Variants in ANKRD30B observed in about 807,000 individuals in gnomAD.
The protein encoded by ANKRD30B is ankyrin repeat domain 30B.
A neutral mutation model predicts 202.2 loss-of-function variants in ANKRD30B; 144 were observed. That is an observed-to-expected ratio of 0.71 (90% CI 0.62 to 0.82). ANKRD30B has a LOEUF of 0.82. Among genes scored for constraint, ANKRD30B ranks in the 40% least tolerant of loss-of-function variants. ANKRD30B has a pLI of 0.00. For synonymous variants in ANKRD30B, 508 were observed against 561.3 expected, an observed-to-expected ratio of 0.91 and a Z score of 1.34; for missense variants, 1,487 against 1,669.1, an observed-to-expected ratio of 0.89 and a Z score of 1.90.
intron 16 of ANKRD30B, among the ~76,000 whole-genome samples, chr18:14,792,796 T>G (rs1038116216): frequency 6.6e-6 from 1 of 151,956 alleles, no homozygotes; most frequent in African/African-American, 2.4e-5. Context: ...TATACTAGAA[T>G]GTAAGAACCT....
rs993776926 is a variant in ANKRD30B, at chr18:14,769,363, C to T, written c.1246C>T (p.Pro416Ser). Residue 416 changes from proline to serine, a missense_variant, in exon 8 of 44, where the codon CCT becomes TCT. This residue lies in a region of ANKRD30B where 889 missense variants were observed against 841.4 expected (regional missense o/e 1.06). Transcript: ENST00000690538. ...AATAGTGGATGTGAGTTCTGTAGAG[C>T]CTATATTCAGGTAAGACTTTGCGGT... ...STNVDVSSVE[P>S]IFSLFGTRTI... 6.5e-7 allele frequency: 1 copy of T among 1,543,748 alleles called. No homozygotes were observed. Among genetic ancestry groups the T allele is most frequent in the African/African-American group, 1.4e-5 (1 of 72,736 alleles).
At position 14,757,940 on chromosome 18, in the gene ANKRD30B, G is replaced by A. The variant is rs747565735; in HGVS notation, c.743G>A (p.Cys248Tyr). 2.5e-6 allele frequency: 4 copies of A among 1,595,878 alleles called. No individual in the cohort carries two copies. The highest frequency in any genetic ancestry group is 3.4e-6 in the Non-Finnish European group (4 of 1,170,286). Residue 248 changes from cysteine to tyrosine, a missense_variant, in exon 5 of 44, where the codon TGT (cysteine) becomes TAT (tyrosine). Physicochemically the swap from Cys to Tyr is radical, Grantham distance 194 (BLOSUM62 -2). This residue lies in a region of ANKRD30B where 889 missense variants were observed against 841.4 expected (regional missense o/e 1.06). Coordinates refer to ENST00000690538, the MANE Select transcript of ANKRD30B (RefSeq NM_001367607.2). ...GITAERYAAA[C>Y]GVNYIHQQLL... ...ACTGCAGAACGTTATGCTGCTGCTTGTGGAGTTAATTAGTAAGTGTTTACA... is the reference window on the plus strand; with the variant it reads ...ACTGCAGAACGTTATGCTGCTGCTTATGGAGTTAATTAGTAAGTGTTTACA...
chr18:14,836,542 C>T (rs1403628820), intron 34 of ANKRD30B, among the ~76,000 whole-genome samples: 1 of 152,118 alleles, frequency 6.6e-6, no homozygotes, highest in African/African-American at 2.4e-5. Context: ...AGTTTTGCCC[C>T]ATCTCCCCAT....
downstream of ANKRD30B, among the ~76,000 whole-genome samples, chr18:14,854,793 A>G (rs1416926868): frequency 1.3e-5 from 2 of 150,674 alleles, no homozygotes; most frequent in Non-Finnish European, 2.9e-5. Flanking sequence ...CAAGACTCCA[A>G]GTTCCTGTCT....
the ANKRD30B span, among the ~76,000 whole-genome samples, chr18:14,937,774 T>C: frequency 6.6e-6 from 1 of 152,234 alleles, no homozygotes; most frequent in Non-Finnish European, 1.5e-5. Context: ...GCTTCATTCT[T>C]TTGTTACTTT....
At chr18:14,901,030 G>A in the ANKRD30B span, among the ~76,000 whole-genome samples, 4 of 152,236 alleles carry the variant, frequency 2.6e-5, no homozygotes, top group African/African-American at 9.6e-5. Context: ...TTCATAAAAT[G>A]TACATAAAAC....
chr18:14,938,630 A>G, the ANKRD30B span, among the ~76,000 whole-genome samples: 132 of 152,166 alleles, frequency 8.7e-4, 2 homozygotes, highest in Non-Finnish European at 1.5e-4. Flanking sequence ...AACAGACAGG[A>G]CTTGGGGGAT....
chr18:14,901,975 T>TA, the ANKRD30B span, among the ~76,000 whole-genome samples: 30 of 152,140 alleles, frequency 2.0e-4, no homozygotes, highest in Non-Finnish European at 3.8e-4. Context: ...TAATTGGACT[T>TA]ACAGTTCCAC....
rs1456493247 is a variant in ANKRD30B, at chr18:14,837,628, A to T, written c.2940A>T (p.Thr980=). 4 of 1,534,594 alleles carry T rather than the reference A, an allele frequency of 2.6e-6. No homozygotes were observed. The South Asian group carries it at 4.9e-5, about 19-fold the overall frequency. ...AACATTTTGTAGATAAGATGCCCAC[A>T]TCAGAATTAGGAAGAAAAGAAGATA... ...APQDQTNKMP[T]SELGRKEDTK... Residue 980 remains threonine, a synonymous_variant, in exon 36 of 44, where the codon ACA becomes ACT. Transcript: ENST00000690538.
In ANKRD30B at chr18:14,763,950, C is replaced by T. The variant is rs1171629592; in HGVS notation, c.1085C>T (p.Thr362Ile). 2.5e-6 allele frequency: 4 copies of T among 1,609,136 alleles called. No homozygotes were observed. The highest frequency in any genetic ancestry group is 1.7e-5 in the Admixed American group (1 of 59,360). Residue 362 changes from threonine (T) to isoleucine (I), a missense_variant, in exon 7 of 44, where the codon ACA becomes ATA. This residue lies in a region of ANKRD30B where 889 missense variants were observed against 841.4 expected (regional missense o/e 1.06). Coordinates refer to ENST00000690538, the MANE Select transcript of ANKRD30B (RefSeq NM_001367607.2). ...GCAAAAGAAAGATCTAGGAAGATCA[C>T]ATGGGAGGAAAAAGAAACATCTGTA... ...WPAKERSRKI[T>I]WEEKETSVKT... is the part of the protein sequence containing the mutation.
At chr18:14,933,993 C>G in the ANKRD30B span, among the ~76,000 whole-genome samples, 1 of 152,240 alleles carries the variant, frequency 6.6e-6, no homozygotes, top group Non-Finnish European at 1.5e-5. Flanking sequence ...TGCCCGCCTC[C>G]CGCCTCTGGA....
chr18:14,835,559 T>G (rs1009136611), intron 34 of ANKRD30B, among the ~76,000 whole-genome samples: 2 of 151,674 alleles, frequency 1.3e-5, no homozygotes, highest in Non-Finnish European at 3.0e-5. Context: ...TTTTAGTTTC[T>G]TTCTTCACTT....
At chr18:14,909,129 G>C in the ANKRD30B span, among the ~76,000 whole-genome samples, 3 of 152,210 alleles carry the variant, frequency 2.0e-5, no homozygotes, top group African/African-American at 4.8e-5. Flanking sequence ...CTGCATAGGA[G>C]GCAGTGGAGG....
chr18:14,788,350 G>A (rs1968225234), intron 15 of ANKRD30B, among the ~76,000 whole-genome samples: 1 of 152,080 alleles, frequency 6.6e-6, no homozygotes, highest in Non-Finnish European at 1.5e-5. Context: ...TGAATGTAAA[G>A]ATAAGCTTGA....
the ANKRD30B span, among the ~76,000 whole-genome samples, chr18:14,904,616 A>G: frequency 6.6e-6 from 1 of 152,002 alleles, no homozygotes; most frequent in East Asian, 1.9e-4. Context: ...TTACAGCTTA[A>G]TCCCCCCCAT....
the ANKRD30B span, chr18:14,877,689 A>T: frequency 6.6e-6 from 1 of 152,074 alleles, no homozygotes; most frequent in Admixed American, 6.5e-5. Context: ...CACAGGTGGG[A>T]CTGGGGCTCC....
chr18:14,858,757 AG>A (rs1424915032), downstream of ANKRD30B, among the ~76,000 whole-genome samples: 83 of 143,388 alleles, frequency 5.8e-4, no homozygotes, highest in Non-Finnish European at 9.9e-4. Context: ...CTCACCTCCC[AG>A]GGGGGGCAGC....
At chr18:14,755,095 T>A in intron 4 of ANKRD30B, 90 bp downstream of exon 4, 1 of 714,180 alleles carries the variant, frequency 1.4e-6, no homozygotes, top group Non-Finnish European at 2.1e-6. Flanking sequence ...TTAACAACAT[T>A]TAGTTAAAAT....
intron 22 of ANKRD30B, 30 bp downstream of exon 22, chr18:14,799,325 G>T (rs556785914): frequency 6.8e-7 from 1 of 1,478,626 alleles, no homozygotes; most frequent in African/African-American, 1.4e-5. Flanking sequence ...TTTTACTCTG[G>T]AATTAAGAAT....
Sources: allele counts gnomAD v4.1 joint callset (sites outside exome capture counted in the v4.1 genomes callset), GRCh38; gene constraint gnomAD v4.1.1; regional missense constraint gnomAD v4.1.1; transcripts MANE v1.5; gene names NCBI Gene and HGNC (gene_info 2026-07-23, HGNC 2026-07-21).